TOGARAM2: variants seen among roughly 807,000 people sequenced by gnomAD.
TOGARAM2 encodes TOG array regulator of axonemal microtubules 2.
In TOGARAM2, 85 loss-of-function variants were observed where a neutral mutation model predicts 93.3. The observed-to-expected ratio is 0.91, with a 90% CI of 0.76 to 1.09. The LOEUF (loss-of-function observed/expected upper bound fraction) is 1.09, where lower values mean the gene tolerates loss of function less well. Among genes scored for constraint, TOGARAM2 ranks in the 50% least tolerant of loss-of-function variants. The pLI is 0.00. For missense variants in TOGARAM2, 1,277 were observed against 1,334.5 expected (o/e 0.96, Z 0.67); for synonymous variants, 593 against 552.8 (o/e 1.07, Z -1.02).
chr2:28,975,548 T>C (rs993049818), intron 1 of TOGARAM2, among the ~76,000 whole-genome samples: 20 of 152,174 alleles, frequency 1.3e-4, no homozygotes, highest in Non-Finnish European at 2.8e-4. Flanking sequence ...TAATTGCAAA[T>C]TGAAGCATTT....
At chr2:29,048,845 ATTTTTTTTTT>A (rs35220823) in intron 19 of TOGARAM2, 1 of 98,666 alleles carries the variant, frequency 1.0e-5, no homozygotes, top group African/African-American at 4.3e-5. Flanking sequence ...CACCCAGCTA[ATTTTTTTTTT>A]TTTTTTTTTT....
chr2:28,994,167 G>A (rs1425216967), intron 1 of TOGARAM2, among the ~76,000 whole-genome samples: 1 of 152,212 alleles, frequency 6.6e-6, no homozygotes, highest in East Asian at 1.9e-4. Flanking sequence ...AGGGATCAAG[G>A]TGTGGGCAAT....
chr2:29,011,678 G>C (rs761548332), intron 7 of TOGARAM2, among the ~76,000 whole-genome samples, 177 bp downstream of exon 7: 1 of 152,212 alleles, frequency 6.6e-6, no homozygotes, highest in African/African-American at 2.4e-5. Context: ...CAGCGGGCCC[G>C]GGCGAGGTGT....
Position 29,002,716 on chromosome 2 carries a change from G to A in TOGARAM2, c.608G>A (p.Gly203Asp), listed in dbSNP as rs1673381159. ...KGLDLPGSIPGPHELRPGAQE... is the reference protein window; with the variant it reads ...KGLDLPGSIPDPHELRPGAQE... Reference sequence around the variant, plus strand: ...CTGGACCTACCGGGGAGCATTCCGGGTCCTCACGAGTTGAGACCCGGTGCT... The same window carrying A: ...CTGGACCTACCGGGGAGCATTCCGGATCCTCACGAGTTGAGACCCGGTGCT... The change falls in exon 5 of 20, where the codon GGT (glycine) becomes GAT (aspartate). Residue 203 changes from glycine to aspartate, a missense_variant. Gly to Asp is a moderately conservative substitution (Grantham distance 94). Transcript: ENST00000379558. 6.2e-7 allele frequency: 1 copy of A among 1,613,856 alleles called. No individual in the cohort carries two copies. Among genetic ancestry groups the A allele is most frequent in the South Asian group, 1.1e-5 (1 of 91,030 alleles).
At chr2:28,957,047 T>C (rs1000508626) in intron 1 of TOGARAM2, among the ~76,000 whole-genome samples, 3 of 150,132 alleles carry the variant, frequency 2.0e-5, no homozygotes, top group African/African-American at 7.3e-5. Context: ...GAGGTTGCAG[T>C]GAGCCGAGAT....
At chr2:28,965,174 T>A (rs1459596965) in intron 1 of TOGARAM2, among the ~76,000 whole-genome samples, 1 of 152,214 alleles carries the variant, frequency 6.6e-6, no homozygotes, top group East Asian at 1.9e-4. Context: ...TTTTTAATAT[T>A]TGCTGTTCTG....
intron 6 of TOGARAM2, among the ~76,000 whole-genome samples, chr2:29,006,672 A>T (rs1663895748): frequency 2.0e-5 from 3 of 151,998 alleles, no homozygotes; most frequent in Admixed American, 1.3e-4. Context: ...GTGCACACAC[A>T]TATTCATGTC....
chr2:28,965,531 C>T (rs902124689), intron 1 of TOGARAM2, among the ~76,000 whole-genome samples: 4 of 152,162 alleles, frequency 2.6e-5, no homozygotes, highest in African/African-American at 9.7e-5. Context: ...AACAGGGATC[C>T]GTCTTTCTGA....
chr2:29,036,501 C>CT (rs1198962398), intron 17 of TOGARAM2, 40 bp from the exon 18 acceptor site: 1 of 1,608,060 alleles, frequency 6.2e-7, no homozygotes, highest in Non-Finnish European at 8.5e-7. Flanking sequence ...CCTGCCCAGC[C>CT]TGGGTTCCCA....
chr2:29,052,180 T>G lies in TOGARAM2; in HGVS notation c.*87T>G, dbSNP rs1488692422. On this transcript the variant is annotated 3_prime_UTR_variant, in exon 20 of 20. Transcript: ENST00000379558. ...TTACTTTCCCCCTTAGAGTTCCAGA[T>G]GTACATGGTATATTTTGAAGTAGAA... 2.0e-6 allele frequency: 2 copies of G among 1,020,746 alleles called. No homozygotes were observed. The highest frequency in any genetic ancestry group is 3.3e-5 in the African/African-American group (2 of 60,696). The allele number at this position is 1,020,746 out of a possible 1,614,324, so 63.2% of individuals were successfully genotyped here.
In TOGARAM2 at chr2:28,969,812, C is replaced by CTTT. The variant is rs66931912; in HGVS notation, c.-147+13130_-147+13132dup. On this transcript the variant is annotated intron_variant, in intron 1 of 6. Coordinates refer to the TOGARAM2 transcript ENST00000401723. ...CCTTCCCTAAATTTCGGTTGTCTTC[C>CTTT]TTTTTTTTTTTTTTTTTGAGACGGA... Among the ~76,000 whole-genome samples the CTTT allele has an allele frequency of 6.4e-3, 819 of 127,840 alleles. 26 individuals are homozygous for CTTT. Among genetic ancestry groups the CTTT allele is most frequent in the African/African-American group, 0.013 (452 of 33,808 alleles). 83.9% of individuals were successfully genotyped at this position (127,840 alleles called of 152,430 possible).
At chr2:29,045,204 T>C in intron 18 of TOGARAM2, 120 bp from the exon 19 acceptor site, 1 of 733,168 alleles carries the variant, frequency 1.4e-6, no homozygotes, top group Non-Finnish European at 2.3e-6. Flanking sequence ...GAAAAATTAA[T>C]TCAGCTCCCC....
At chr2:28,979,202 C>T (rs1672078023), upstream of TOGARAM2, among the ~76,000 whole-genome samples, 1 of 152,112 alleles carries the variant, frequency 6.6e-6, no homozygotes, top group Non-Finnish European at 1.5e-5. Context: ...GGTTTCCACC[C>T]ATGCTCCTCG....
intron 1 of TOGARAM2, among the ~76,000 whole-genome samples, chr2:28,991,001 T>TGTGTGTGAAGG (rs1672702863): frequency 8.4e-6 from 1 of 118,588 alleles, no homozygotes; most frequent in Non-Finnish European, 2.0e-5. Flanking sequence ...GGTGTGTGTG[T>TGTGTGTGAAGG]GTGTGTGTGT....
intron 1 of TOGARAM2, among the ~76,000 whole-genome samples, chr2:28,972,679 G>A (rs1671965382): frequency 6.6e-6 from 1 of 152,180 alleles, no homozygotes; most frequent in Non-Finnish European, 1.5e-5. Flanking sequence ...GGGCAAGTCT[G>A]GCCAAAGGCA....
intron 1 of TOGARAM2, among the ~76,000 whole-genome samples, chr2:28,973,847 G>A (rs4666156): frequency 7.2e-5 from 11 of 151,986 alleles, no homozygotes; most frequent in Admixed American, 7.2e-4. Context: ...GCCATTCTTT[G>A]CGGGTAGGTC....
chr2:28,976,079 T>C (rs1366759072), intron 1 of TOGARAM2, among the ~76,000 whole-genome samples: 5 of 152,202 alleles, frequency 3.3e-5, no homozygotes, highest in Non-Finnish European at 7.3e-5. Context: ...TAAAAACATA[T>C]CAAATTCTGG....
chr2:29,029,937 A>C (rs1189701846), intron 14 of TOGARAM2, among the ~76,000 whole-genome samples: 1 of 152,144 alleles, frequency 6.6e-6, no homozygotes, highest in Non-Finnish European at 1.5e-5. Flanking sequence ...CCTGTTCCCC[A>C]ATGACCTATG....
upstream of TOGARAM2, among the ~76,000 whole-genome samples, chr2:28,979,419 T>C (rs1026200157): frequency 2.0e-5 from 3 of 152,222 alleles, no homozygotes; most frequent in African/African-American, 7.2e-5. Context: ...AGAGAGTTTG[T>C]TTCTTGCCTA....
Sources: allele counts gnomAD v4.1 joint callset (sites outside exome capture counted in the v4.1 genomes callset), GRCh38; gene constraint gnomAD v4.1.1; transcripts MANE v1.5; gene names NCBI Gene and HGNC (gene_info 2026-07-23, HGNC 2026-07-21).